Variants in SPG11 observed in about 807,000 individuals in gnomAD.
SPG11 encodes the protein spatacsin.
SPG11 carries 222 observed loss-of-function variants against 274.0 expected under a neutral mutation model. The ratio of observed to expected loss-of-function variants is 0.81; its 90% CI spans 0.73 to 0.91. SPG11 has a LOEUF of 0.91. Ranked by LOEUF, SPG11 falls within the 40% of genes least tolerant of loss-of-function variation. The pLI is 0.00. For missense variants in SPG11, 3,114 were observed against 2,872.7 expected, an observed-to-expected ratio of 1.08 and a Z score of -1.92; for synonymous variants, 1,144 against 1,039.7, an observed-to-expected ratio of 1.10 and a Z score of -1.93.
chr15:44,633,808 A>G (rs190458368), intron 7 of SPG11, among the ~76,000 whole-genome samples, 171 bp from the exon 8 acceptor site: 11 of 152,104 alleles, frequency 7.2e-5, no homozygotes, highest in African/African-American at 2.4e-4. Flanking sequence ...TGATTATGCA[A>G]TCTGGGGCAA....
At chr15:44,591,293 G>C (rs770627216) in intron 27 of SPG11, among the ~76,000 whole-genome samples, 1 of 152,152 alleles carries the variant, frequency 6.6e-6, no homozygotes, top group Non-Finnish European at 1.5e-5. Flanking sequence ...TAACCATTCT[G>C]ACTGGATTTT....
rs144671856 is a variant in SPG11 at position 44,610,149 on chromosome 15, C to T, written c.3291+691G>A. ...AACTCCTGACTTCAAGTGATCCACT[C>T]GCCTTGGCCTCCCAAAGTGCTGGGA... On this transcript the variant is annotated intron_variant, in intron 18 of 39. Coordinates refer to ENST00000261866, the MANE Select transcript of SPG11 (RefSeq NM_025137.4). Among the ~76,000 whole-genome samples, 1,129 of 151,710 alleles carry T rather than the reference C, an allele frequency of 7.4e-3. 17 individuals are homozygous for T. The highest frequency in any genetic ancestry group is 0.025 in the African/African-American group (1,044 of 41,362).
At chr15:44,653,726 T>C (rs2084854079) in intron 4 of SPG11, among the ~76,000 whole-genome samples, 1 of 152,128 alleles carries the variant, frequency 6.6e-6, no homozygotes, top group Non-Finnish European at 1.5e-5. Flanking sequence ...CAAAAAGAAG[T>C]TGGAGATACA....
chr15:44,593,347 G>A lies in SPG11; in HGVS notation c.4636-909C>T, dbSNP rs148382675. Among the ~76,000 whole-genome samples the A allele has an allele frequency of 3.5e-3, 530 of 152,152 alleles. 2 individuals are homozygous for A. The highest frequency in any genetic ancestry group is 5.7e-3 in the Non-Finnish European group (385 of 68,008). ...GCTGGGACTAGAGGTGCGTGCCACC[G>A]TGCCCAACTAGTTTTTGTATTTTTT... On this transcript the variant is annotated intron_variant, in intron 26 of 39. Coordinates refer to ENST00000261866, the MANE Select transcript of SPG11 (RefSeq NM_025137.4).
At chr15:44,609,208 T>A (rs1190272406) in intron 18 of SPG11, among the ~76,000 whole-genome samples, 1 of 152,052 alleles carries the variant, frequency 6.6e-6, no homozygotes, top group East Asian at 1.9e-4. Context: ...CTCGGCTCAC[T>A]GCAAGCTCCG....
rs1294944421 is a variant in SPG11 at position 44,629,303 on chromosome 15, TGA to T, written c.1819_1820del (p.Ser607ArgfsTer5). 2 of 1,614,066 alleles carry T rather than the reference TGA, an allele frequency of 1.2e-6. No individual in the cohort carries two copies. The highest frequency in any genetic ancestry group is 2.7e-5 in the African/African-American group (2 of 74,954). On this transcript the variant is annotated frameshift_variant, in exon 9 of 40. Transcript: ENST00000261866. LOFTEE classifies it high-confidence loss of function. ...ACAGTGTAAGATTAAGCAATTGTTC[TGA>T]AAAGTGTTTGCTTTGGGGTTCAGAA... is the stretch of plus-strand genomic sequence containing the variant. Reference protein sequence around the residue: ...SYSEPQSKHFSEQLLNLTLSF... With the variant: ...SYSEPQSKHFXEQLLNLTLSF...
rs528584134 is a variant in SPG11 at position 44,563,446 on chromosome 15, C to T, written c.7152-145G>A. The T allele has an allele frequency of 5.7e-6, 4 of 701,004 alleles. No homozygotes were observed. The East Asian group carries it at 8.1e-5, about 14-fold the overall frequency. The allele number at this position is 701,004 out of a possible 1,614,324, so 43.4% of individuals were successfully genotyped here. ...CTCCACCTGCTGGGTTCAAGTGATT[C>T]TTGTGCCTCAGCCTCCCGAGTAGGT... On this transcript the variant is annotated intron_variant, in intron 39 of 39. Coordinates refer to ENST00000261866, the MANE Select transcript of SPG11 (RefSeq NM_025137.4).
chr15:44,647,045 T>G (rs1037561065), intron 7 of SPG11, among the ~76,000 whole-genome samples: 2 of 152,192 alleles, frequency 1.3e-5, no homozygotes, highest in Non-Finnish European at 2.9e-5. Flanking sequence ...TTGTAAATCA[T>G]GTATGTCATA....
chr15:44,604,488 A>G (rs2083270465), intron 20 of SPG11, among the ~76,000 whole-genome samples: 1 of 152,206 alleles, frequency 6.6e-6, no homozygotes, highest in African/African-American at 2.4e-5. Context: ...GACTGCGTAT[A>G]AGAGAAAATT....
chr15:44,564,611 A>T lies in SPG11; in HGVS notation c.7087T>A (p.Tyr2363Asn). ...CTTTGCTGCTTAAATTCTTCCAAGT[A>T]ATTAAAGTCTCCTTTAAGAATCACT... ...QQVILKGDFNYLEEFKQQRLL... is the reference protein window; with the variant it reads ...QQVILKGDFNNLEEFKQQRLL... The change falls in exon 39 of 40, where the codon TAC becomes AAC. Residue 2363 changes from tyrosine to asparagine, a missense_variant. Transcript: ENST00000261866. 2 of 1,613,710 alleles carry T rather than the reference A, an allele frequency of 1.2e-6. No homozygotes were observed. Among genetic ancestry groups the T allele is most frequent in the Non-Finnish European group, 1.7e-6 (2 of 1,179,602 alleles).
intron 7 of SPG11, among the ~76,000 whole-genome samples, chr15:44,640,617 G>A (rs2084411513): frequency 6.6e-6 from 1 of 152,312 alleles, no homozygotes; most frequent in East Asian, 1.9e-4. Context: ...GATGGAATTG[G>A]CCTAAGGAAA....
In SPG11 at chr15:44,572,939, T is replaced by C. The variant is rs75833665; in HGVS notation, c.6206-119A>G. On this transcript the variant is annotated intron_variant, in intron 32 of 39. Transcript: ENST00000261866. ...TCTGCAGCTCTCCGCTTGCTGAGCT[T>C]GAAACCCTTGGCCTATTGGTCATTT... 36,740 of 990,332 alleles carry C rather than the reference T, an allele frequency of 0.037. 2,882 individuals are homozygous for C. Among genetic ancestry groups the C allele is most frequent in the African/African-American group, 0.22 (13,769 of 61,808 alleles). The allele number at this position is 990,332 out of a possible 1,614,324, so 61.3% of individuals were successfully genotyped here. A position where few individuals can be genotyped will look rare whatever the true frequency, so the allele number is the denominator to read the frequency against.
chr15:44,572,460 A>C (rs1186842329), intron 33 of SPG11: 1 of 556,462 alleles, frequency 1.8e-6, no homozygotes, highest in Non-Finnish European at 3.2e-6. Context: ...TATGTTGAGT[A>C]AAGGTTACCT....
intron 30 of SPG11, among the ~76,000 whole-genome samples, chr15:44,577,218 G>A (rs2082557743): frequency 6.6e-6 from 1 of 152,056 alleles, no homozygotes; most frequent in Non-Finnish European, 1.5e-5. Context: ...AAAAAGTGCT[G>A]TAGGCCAGAG....
In SPG11 at chr15:44,626,454, G is replaced by A. The variant is rs1239554492; in HGVS notation, c.2121C>T (p.Phe707=). Residue 707 remains phenylalanine, a synonymous_variant, in exon 11 of 40, where the codon TTC becomes TTT. Transcript: ENST00000261866. ...LNNKIPEAQT[F]FRIDSHSAQK... is the part of the protein sequence containing the mutation. ...GAGCAGAATGACTATCAATCCTGAAGAAAGTCTGTGCCTCTGGTATTTTGT... is the reference window on the plus strand; with the variant it reads ...GAGCAGAATGACTATCAATCCTGAAAAAAGTCTGTGCCTCTGGTATTTTGT... 7 of 1,613,916 alleles carry A rather than the reference G, an allele frequency of 4.3e-6. No individual in the cohort carries two copies. The highest frequency in any genetic ancestry group is 5.9e-6 in the Non-Finnish European group (7 of 1,179,974).
intron 21 of SPG11, among the ~76,000 whole-genome samples, chr15:44,599,707 T>TTAC (rs1287133808): frequency 2.0e-5 from 3 of 152,218 alleles, no homozygotes; most frequent in African/African-American, 7.2e-5. Context: ...AAAAAAGGTA[T>TTAC]TACTTTGTTA....
At chr15:44,614,856 C>T (rs965495191) in intron 16 of SPG11, among the ~76,000 whole-genome samples, 22 of 152,162 alleles carry the variant, frequency 1.4e-4, no homozygotes, top group African/African-American at 5.3e-4. Context: ...TTAACACTGG[C>T]CACAGATATG....
rs764925194 is a variant in SPG11, at chr15:44,573,648, G to A, written c.6104C>T (p.Ala2035Val). The A allele has an allele frequency of 1.2e-6, 2 of 1,614,200 alleles. No individual in the cohort carries two copies. Among genetic ancestry groups the A allele is most frequent in the Non-Finnish European group, 1.7e-6 (2 of 1,180,042 alleles). The change falls in exon 32 of 40, where the codon GCC (alanine) becomes GTC (valine). Residue 2035 changes from alanine (A) to valine (V), a missense_variant. Ala to Val is a moderately conservative substitution (Grantham distance 64, BLOSUM62 0). Transcript: ENST00000261866. ...ASQQPDRCKR[A>V]QAFISTQGLK... is the part of the protein sequence containing the mutation. ...GCCCTGTGTGCTGATGAAGGCCTGG[G>A]CTCGTTTGCATCGGTCAGGCTGCTG...
At chr15:44,645,663 A>C (rs1202852904) in intron 7 of SPG11, among the ~76,000 whole-genome samples, 2 of 152,168 alleles carry the variant, frequency 1.3e-5, no homozygotes, top group Non-Finnish European at 2.9e-5. Flanking sequence ...AAAATAAACT[A>C]TCAATAAACA....
Sources: gnomAD v4.1 joint callset for allele counts (sites outside exome capture counted in the v4.1 genomes callset) on GRCh38, gnomAD v4.1.1 for gene constraint, MANE v1.5 for transcripts, NCBI Gene and HGNC (gene_info 2026-07-23, HGNC 2026-07-21) for gene names.